Variants in HMGN2 observed in about 807,000 individuals in gnomAD.
HMGN2 encodes the protein non-histone chromosomal protein HMG-17.
Under a neutral mutation model 16.9 loss-of-function variants are expected in HMGN2, and 2 were observed. The ratio of observed to expected loss-of-function variants is 0.12; its 90% CI spans 0.05 to 0.37. The LOEUF is 0.37. Among genes scored for constraint, HMGN2 ranks in the 10% least tolerant of loss-of-function variants. The pLI, the probability that HMGN2 is intolerant of heterozygous loss-of-function variation, is 1.00. For synonymous variants in HMGN2, 31 were observed against 34.9 expected, an observed-to-expected ratio of 0.89 and a Z score of 0.39; for missense variants, 90 against 106.0, an observed-to-expected ratio of 0.85 and a Z score of 0.66.
rs1384031124 is a variant in HMGN2, at chr1:26,475,894, C to T, written c.*746C>T. The T allele has an allele frequency of 1.6e-5, 4 of 253,206 alleles. No homozygotes were observed. The highest frequency in any genetic ancestry group is 3.2e-5 in the South Asian group (1 of 30,900). The allele number at this position is 253,206 out of a possible 1,614,324, so 15.7% of individuals were successfully genotyped here. Reference sequence around the variant, plus strand: ...GTTGTTGTATACTGTTAACGATTGTCTGCCCATGTCCTGCCTGAAATACCA... The same window carrying T: ...GTTGTTGTATACTGTTAACGATTGTTTGCCCATGTCCTGCCTGAAATACCA... On this transcript the variant is annotated 3_prime_UTR_variant, in exon 6 of 6. Transcript: ENST00000361427.
At chr1:26,474,062 TC>T (rs1463212410) in intron 3 of HMGN2, 22 bp from the exon 4 acceptor site, 7 of 1,603,994 alleles carry the variant, frequency 4.4e-6, no homozygotes, top group Non-Finnish European at 5.1e-6. Flanking sequence ...GTTCACTTTT[TC>T]CTCTCTTCCT....
Position 26,472,488 on chromosome 1 carries a change from A to C in HMGN2, c.-125A>C, listed in dbSNP as rs1243674126. 4 of 1,213,914 alleles carry C rather than the reference A, an allele frequency of 3.3e-6. No homozygotes were observed. The highest frequency in any genetic ancestry group is 3.5e-6 in the Non-Finnish European group (3 of 858,752). 75.2% of individuals were successfully genotyped at this position (1,213,914 alleles called of 1,614,324 possible). A position where few individuals can be genotyped will look rare whatever the true frequency, so the allele number is the denominator to read the frequency against. The stretch of plus-strand genomic sequence containing the variant: ...GGGCTCCCAGCGCTATAAAAACTTT[A>C]TAAACCCCCCGGAGCCCGAGCAGTG... On this transcript the variant is annotated 5_prime_UTR_variant, in exon 1 of 6. Coordinates refer to ENST00000361427, the MANE Select transcript of HMGN2 (RefSeq NM_005517.4).
Position 26,475,978 on chromosome 1 carries a change from C to A in HMGN2, c.*830C>A, listed in dbSNP as rs2075605825. The A allele has an allele frequency of 3.4e-6, 1 of 297,952 alleles. No individual in the cohort carries two copies. Among genetic ancestry groups the A allele is most frequent in the South Asian group, 2.9e-5 (1 of 34,906 alleles). The allele number at this position is 297,952 out of a possible 1,614,324, so 18.5% of individuals were successfully genotyped here. On this transcript the variant is annotated 3_prime_UTR_variant, in exon 6 of 6. Transcript: ENST00000361427. ...GGATACAGTTTGGCTTGGAATGCTGCCTCTGATCTTTTCCCACAAGTGGGG... is the reference window on the plus strand; with the variant it reads ...GGATACAGTTTGGCTTGGAATGCTGACTCTGATCTTTTCCCACAAGTGGGG...
chr1:26,475,006 C>A, intron 5 of HMGN2, 107 bp from the exon 6 acceptor site: 3 of 914,360 alleles, frequency 3.3e-6, no homozygotes, highest in Non-Finnish European at 3.5e-6. Flanking sequence ...GTCTCAGTAC[C>A]TGAAACCTGA....
intron 3 of HMGN2, 148 bp from the exon 4 acceptor site, chr1:26,473,937 T>TC: frequency 1.3e-6 from 1 of 797,940 alleles, no homozygotes; most frequent in South Asian, 1.8e-5. Context: ...CTTCTGGAAA[T>TC]CCAACATTCT....
At position 26,475,310 on chromosome 1, in the gene HMGN2, G is replaced by A; in HGVS notation, c.*162G>A. The A allele has an allele frequency of 1.9e-6, 1 of 528,050 alleles. No homozygotes were observed. Among genetic ancestry groups the A allele is most frequent in the Non-Finnish European group, 3.4e-6 (1 of 296,140 alleles). 32.7% of individuals were successfully genotyped at this position (528,050 alleles called of 1,614,324 possible). On this transcript the variant is annotated 3_prime_UTR_variant, in exon 6 of 6. Transcript: ENST00000361427. ...GAACACTTCATTGTTGTTTTTGGGG[G>A]AAGGGGCATATGTCACTAATAGAAT...
rs909677225 is a variant in HMGN2 at position 26,475,887 on chromosome 1, C to G, written c.*739C>G. On this transcript the variant is annotated 3_prime_UTR_variant, in exon 6 of 6. Transcript: ENST00000361427. ...TTTGAAAGTTGTTGTATACTGTTAA[C>G]GATTGTCTGCCCATGTCCTGCCTGA... 1 of 253,542 alleles carries G rather than the reference C, an allele frequency of 3.9e-6. No individual in the cohort carries two copies. Among genetic ancestry groups the G allele is most frequent in the East Asian group, 1.4e-4 (1 of 7,174 alleles). 15.7% of individuals were successfully genotyped at this position (253,542 alleles called of 1,614,324 possible).
chr1:26,473,802 G>T (rs1417772871), intron 3 of HMGN2, 70 bp downstream of exon 3: 1 of 1,462,616 alleles, frequency 6.8e-7, no homozygotes, highest in Non-Finnish European at 9.6e-7. Flanking sequence ...AATTCCCTTT[G>T]CTTCCATGAA....
intron 5 of HMGN2, 87 bp downstream of exon 5, chr1:26,474,754 C>A: frequency 1.4e-6 from 1 of 720,320 alleles, no homozygotes; most frequent in Non-Finnish European, 2.5e-6. Flanking sequence ...TCTTGTATCA[C>A]TCCAAATGTA....
rs2075587304 is a variant in HMGN2, at chr1:26,473,249, G to C, written c.16-234G>C. On this transcript the variant is annotated intron_variant, in intron 1 of 5. Coordinates refer to ENST00000361427, the MANE Select transcript of HMGN2 (RefSeq NM_005517.4). ...TGTTGCTCCTGCCTGTCGCGGTGGT[G>C]CGGGCTCCGCTGCCCTCCCCGGCTG... is the stretch of plus-strand genomic sequence containing the variant. 5.5e-6 allele frequency: 3 copies of C among 549,036 alleles called. No homozygotes were observed. The East Asian group carries it at 9.3e-5, about 17-fold the overall frequency. 34.0% of individuals were successfully genotyped at this position (549,036 alleles called of 1,614,324 possible).
chr1:26,474,551 C>G (rs1268112636), intron 4 of HMGN2, 21 bp from the exon 5 acceptor site: 3 of 1,181,126 alleles, frequency 2.5e-6, no homozygotes, highest in Admixed American at 1.8e-5. Context: ...AGAAACAGTT[C>G]TATTTTTTCC....
chr1:26,476,010 G>A lies in HMGN2; in HGVS notation c.*862G>A, dbSNP rs2075605958. 1 of 287,462 alleles carries A rather than the reference G, an allele frequency of 3.5e-6. No individual in the cohort carries two copies. The highest frequency in any genetic ancestry group is 6.8e-6 in the Non-Finnish European group (1 of 147,286). The allele number at this position is 287,462 out of a possible 1,614,324, so 17.8% of individuals were successfully genotyped here. On this transcript the variant is annotated 3_prime_UTR_variant, in exon 6 of 6. Transcript: ENST00000361427. The stretch of plus-strand genomic sequence containing the variant: ...TCTTTTCCCACAAGTGGGGTAACCT[G>A]GTTTATCCAAGTCTCTTGGAACAGG...
At position 26,472,642 on chromosome 1, in the gene HMGN2, G is replaced by A; in HGVS notation, c.15+15G>A. ...CCAAGAGAAAGGTACGTGGCGCGAGGGCCCCAGGCGCCGGGCCACCACTGC... is the reference window on the plus strand; with the variant it reads ...CCAAGAGAAAGGTACGTGGCGCGAGAGCCCCAGGCGCCGGGCCACCACTGC... On this transcript the variant is annotated intron_variant, in intron 1 of 5. Coordinates refer to ENST00000361427, the MANE Select transcript of HMGN2 (RefSeq NM_005517.4). 6.5e-7 allele frequency: 1 copy of A among 1,529,402 alleles called. No individual in the cohort carries two copies. Among genetic ancestry groups the A allele is most frequent in the African/African-American group, 1.4e-5 (1 of 72,144 alleles). 94.7% of individuals were successfully genotyped at this position (1,529,402 alleles called of 1,614,324 possible).
chr1:26,473,432 T>A (rs1182315400), intron 1 of HMGN2, 51 bp from the exon 2 acceptor site: 5 of 1,328,130 alleles, frequency 3.8e-6, no homozygotes. Flanking sequence ...GTTTGGGAAG[T>A]AATTAAGAAC....
chr1:26,474,549 T>G, intron 4 of HMGN2, 23 bp from the exon 5 acceptor site: 1 of 1,125,788 alleles, frequency 8.9e-7, no homozygotes, highest in Non-Finnish European at 1.3e-6. Context: ...GGAGAAACAG[T>G]TCTATTTTTT....
At chr1:26,473,312 C>G (rs2075588158) in intron 1 of HMGN2, 171 bp from the exon 2 acceptor site, 2 of 590,242 alleles carry the variant, frequency 3.4e-6, no homozygotes, top group African/African-American at 3.8e-5. Flanking sequence ...GGTCGGCGAG[C>G]CGGAGCTCCT....
In HMGN2 at chr1:26,473,694, C is replaced by T. The variant is rs371119423; in HGVS notation, c.61-9C>T. On this transcript the variant is annotated splice_polypyrimidine_tract_variant and intron_variant, in intron 2 of 5. Transcript: ENST00000361427. ...GTCCTATTTCTAACTTTCTCGTTGT[C>T]TTTAATAGCCACAGAGAAGATCCGC... 218 of 1,613,836 alleles carry T rather than the reference C, an allele frequency of 1.4e-4. No homozygotes were observed. The highest frequency in any genetic ancestry group is 1.7e-4 in the Non-Finnish European group (197 of 1,179,898).
At position 26,472,539 on chromosome 1, in the gene HMGN2, G is replaced by A. The variant is rs927483059; in HGVS notation, c.-74G>A. ...TGAAGAAGAGGCGAGAACGACCCCC[G>A]GACCGACCAAAGCCCGCGCGCCGCT... On this transcript the variant is annotated 5_prime_UTR_variant, in exon 1 of 6. Coordinates refer to ENST00000361427, the MANE Select transcript of HMGN2 (RefSeq NM_005517.4). The A allele has an allele frequency of 9.2e-6, 14 of 1,527,078 alleles. No individual in the cohort carries two copies. The highest frequency in any genetic ancestry group is 5.5e-5 in the African/African-American group (4 of 72,334). The allele number at this position is 1,527,078 out of a possible 1,614,324, so 94.6% of individuals were successfully genotyped here.
At chr1:26,472,698 G>C (rs531595997) in intron 1 of HMGN2, 71 bp downstream of exon 1, 1 of 1,400,966 alleles carries the variant, frequency 7.1e-7, no homozygotes, top group South Asian at 1.3e-5. Flanking sequence ...CCCTGGTGCA[G>C]GGAGCGAGAA....
Sources: gnomAD v4.1 joint callset for allele counts on GRCh38, gnomAD v4.1.1 for gene constraint, MANE v1.5 for transcripts, NCBI Gene and HGNC (gene_info 2026-07-23, HGNC 2026-07-21) for gene names.